NXPE4: variants seen among roughly 807,000 people sequenced by gnomAD.
NXPE4 encodes the protein NXPE family member 4.
In NXPE4, 42 loss-of-function variants were observed where a neutral mutation model predicts 33.3. That is an observed-to-expected ratio of 1.26 (90% confidence interval 0.98 to 1.63). The LOEUF (loss-of-function observed/expected upper bound fraction) is 1.63, where lower values mean the gene tolerates loss of function less well. NXPE4 is among the 40% of genes most tolerant of loss of function. The pLI, the probability that NXPE4 is intolerant of heterozygous loss-of-function variation, is 0.00. For missense variants in NXPE4, 709 were observed against 647.6 expected, an observed-to-expected ratio of 1.09 and a Z score of -1.03; for synonymous variants, 253 against 234.9, an observed-to-expected ratio of 1.08 and a Z score of -0.71.
At chr11:114,577,050 TA>T (rs1490979162) in intron 5 of NXPE4, among the ~76,000 whole-genome samples, 1 of 49,612 alleles carries the variant, frequency 2.0e-5, no homozygotes, top group Non-Finnish European at 3.7e-5. Flanking sequence ...TAAAGTTATA[TA>T]TATATACATA....
the NXPE4 span, among the ~76,000 whole-genome samples, chr11:114,641,364 T>G: frequency 0.012 from 1,862 of 152,116 alleles, 39 homozygotes; most frequent in African/African-American, 0.042. Flanking sequence ...AACCCAAAAA[T>G]AGACTACATA....
the NXPE4 span, among the ~76,000 whole-genome samples, chr11:114,630,407 A>G: frequency 6.6e-6 from 1 of 151,986 alleles, no homozygotes; most frequent in Admixed American, 6.5e-5. Flanking sequence ...AACCTGAGAA[A>G]AACAAGCAAT....
At chr11:114,660,337 T>A in the NXPE4 span, among the ~76,000 whole-genome samples, 3 of 152,096 alleles carry the variant, frequency 2.0e-5, no homozygotes, top group African/African-American at 7.2e-5. Context: ...AAAACTAGAA[T>A]TAACATAGAG....
the NXPE4 span, among the ~76,000 whole-genome samples, chr11:114,672,780 C>G: frequency 6.6e-6 from 1 of 151,606 alleles, no homozygotes; most frequent in African/African-American, 2.4e-5. Context: ...AAAATATAAG[C>G]ATTTAACAAT....
At chr11:114,664,049 T>TA in the NXPE4 span, among the ~76,000 whole-genome samples, 12 of 152,292 alleles carry the variant, frequency 7.9e-5, no homozygotes, top group South Asian at 6.2e-4. Flanking sequence ...AATGAAAACT[T>TA]ACGTTCACAC....
chr11:114,670,057 T>TG, the NXPE4 span, among the ~76,000 whole-genome samples: 1 of 151,922 alleles, frequency 6.6e-6, no homozygotes, highest in Admixed American at 6.6e-5. Context: ...TAGAGCCCTA[T>TG]AGAATTAGAA....
chr11:114,675,570 C>T, the NXPE4 span, among the ~76,000 whole-genome samples: 6 of 151,674 alleles, frequency 4.0e-5, no homozygotes, highest in Non-Finnish European at 7.4e-5. Flanking sequence ...ATAAAAAAAA[C>T]CCTTAGGAAT....
the NXPE4 span, among the ~76,000 whole-genome samples, chr11:114,604,649 C>T: frequency 1.9e-4 from 29 of 149,866 alleles, no homozygotes; most frequent in South Asian, 2.1e-3. Context: ...CGCTGTTACC[C>T]GGTGGATAAT....
chr11:114,631,454 A>G, the NXPE4 span, among the ~76,000 whole-genome samples: 5 of 145,780 alleles, frequency 3.4e-5, no homozygotes, highest in East Asian at 2.0e-4. Flanking sequence ...ATTCTCACTC[A>G]TAGGTGGGAA....
chr11:114,600,120 A>G (rs1949620553), upstream of NXPE4, among the ~76,000 whole-genome samples: 1 of 152,194 alleles, frequency 6.6e-6, no homozygotes, highest in South Asian at 2.1e-4. Context: ...AAAATCAGTG[A>G]GGAAAAGTTT....
the NXPE4 span, among the ~76,000 whole-genome samples, chr11:114,643,811 T>C: frequency 3.3e-5 from 5 of 152,150 alleles, no homozygotes; most frequent in East Asian, 7.7e-4. Flanking sequence ...AAGTCTGTGG[T>C]AGCTTGATGG....
chr11:114,622,766 C>T, the NXPE4 span, among the ~76,000 whole-genome samples: 7 of 152,046 alleles, frequency 4.6e-5, no homozygotes, highest in Admixed American at 2.6e-4. Context: ...AGTGTTGCCT[C>T]ATGGGTAATC....
At chr11:114,624,606 G>A in the NXPE4 span, among the ~76,000 whole-genome samples, 1 of 151,686 alleles carries the variant, frequency 6.6e-6, no homozygotes, top group Non-Finnish European at 1.5e-5. Flanking sequence ...TATAAGTATT[G>A]CCTCATGGGC....
At chr11:114,606,949 T>G in the NXPE4 span, among the ~76,000 whole-genome samples, 1 of 150,646 alleles carries the variant, frequency 6.6e-6, no homozygotes, top group African/African-American at 2.4e-5. Flanking sequence ...ACTGTTATCC[T>G]GTGGATAATA....
chr11:114,647,138 A>G, the NXPE4 span, among the ~76,000 whole-genome samples: 2 of 152,226 alleles, frequency 1.3e-5, 1 homozygote, highest in Admixed American at 1.3e-4. Flanking sequence ...AATATTAAAT[A>G]AAACTGCTAA....
intron 2 of NXPE4, among the ~76,000 whole-genome samples, chr11:114,584,932 G>A (rs1949255317): frequency 6.6e-6 from 1 of 152,110 alleles, no homozygotes; most frequent in African/African-American, 2.4e-5. Flanking sequence ...AAGCATAAAA[G>A]GCGCCAGGTC....
intron 2 of NXPE4, among the ~76,000 whole-genome samples, chr11:114,593,241 C>T (rs1038467285): frequency 6.6e-6 from 1 of 152,122 alleles, no homozygotes; most frequent in African/African-American, 2.4e-5. Flanking sequence ...AAGAGTTAAC[C>T]TACAGAATGG....
At chr11:114,583,520 C>T (rs537482684) in intron 2 of NXPE4, 17 of 612,236 alleles carry the variant, frequency 2.8e-5, no homozygotes, top group African/African-American at 9.2e-5. Context: ...GCACAGCAAG[C>T]GGATGCAGAG....
At chr11:114,675,256 A>G in the NXPE4 span, among the ~76,000 whole-genome samples, 1 of 151,552 alleles carries the variant, frequency 6.6e-6, no homozygotes, top group African/African-American at 2.4e-5. Flanking sequence ...GAGGAATAAG[A>G]GGATACCCAC....
Sources: gnomAD v4.1 joint callset for allele counts (sites outside exome capture counted in the v4.1 genomes callset) on GRCh38, gnomAD v4.1.1 for gene constraint, MANE v1.5 for transcripts, NCBI Gene and HGNC (gene_info 2026-07-23, HGNC 2026-07-21) for gene names.